Variants in BABAM2 observed in about 807,000 individuals in gnomAD.
BABAM2 encodes the protein BRISC and BRCA1 A complex member 2.
BABAM2 carries 31 observed loss-of-function variants against 54.7 expected under a neutral mutation model. That is an observed-to-expected ratio of 0.57 (90% CI 0.43 to 0.77). The LOEUF is 0.77. Ranked by LOEUF, BABAM2 falls within the 30% of genes least tolerant of loss-of-function variation. The probability of loss-of-function intolerance (pLI) is 0.00; values close to 1 mark genes in which losing one functional copy is unlikely to be tolerated. For synonymous variants in BABAM2, 167 were observed against 162.9 expected (o/e 1.03, Z -0.19); for missense variants, 364 against 455.8 (o/e 0.80, Z 1.83).
At chr2:28,010,906 T>C (rs1204398809) in intron 4 of BABAM2, among the ~76,000 whole-genome samples, 1 of 152,198 alleles carries the variant, frequency 6.6e-6, no homozygotes, top group Non-Finnish European at 1.5e-5. Context: ...TCTCCTTTCA[T>C]AGGAAGAAAG....
chr2:28,169,497 C>T (rs902675217), intron 7 of BABAM2, among the ~76,000 whole-genome samples: 1 of 152,042 alleles, frequency 6.6e-6, no homozygotes, highest in South Asian at 2.1e-4. Context: ...AATATCCAGG[C>T]CAGGTGGGGT....
intron 7 of BABAM2, among the ~76,000 whole-genome samples, chr2:28,178,534 C>G (rs984456125): frequency 6.6e-6 from 1 of 151,950 alleles, no homozygotes; most frequent in African/African-American, 2.4e-5. Context: ...GCAATAAATG[C>G]TTACGTCAAA....
At chr2:28,274,131 G>A (rs1436952336) in intron 10 of BABAM2, among the ~76,000 whole-genome samples, 2 of 152,056 alleles carry the variant, frequency 1.3e-5, no homozygotes, top group African/African-American at 2.4e-5. Context: ...TTTATCTGGC[G>A]GCCTTCCCCA....
chr2:28,095,868 A>G (rs1027089370), intron 6 of BABAM2, among the ~76,000 whole-genome samples: 11 of 152,204 alleles, frequency 7.2e-5, no homozygotes, highest in Admixed American at 6.5e-4. Flanking sequence ...ATGGAAGGTG[A>G]TCAGGCTTGT....
At chr2:28,244,908 G>GTA in intron 10 of BABAM2, 46 bp downstream of exon 10, 1 of 1,535,140 alleles carries the variant, frequency 6.5e-7, no homozygotes, top group Non-Finnish European at 9.0e-7. Context: ...ATTTTTAAAT[G>GTA]TCCTAAACCA....
intron 7 of BABAM2, among the ~76,000 whole-genome samples, chr2:28,229,500 A>C (rs1681180677): frequency 1.3e-5 from 2 of 152,150 alleles, no homozygotes; most frequent in South Asian, 4.1e-4. Context: ...ATTCCTCTTA[A>C]TGCCTTTTAA....
intron 7 of BABAM2, among the ~76,000 whole-genome samples, chr2:28,166,624 C>T (rs758655150): frequency 3.3e-5 from 5 of 152,138 alleles, no homozygotes; most frequent in African/African-American, 7.2e-5. Flanking sequence ...TTACCCCTGA[C>T]GTCCTCCCTT....
At chr2:27,982,576 A>G (rs938930732) in intron 3 of BABAM2, among the ~76,000 whole-genome samples, 1 of 152,050 alleles carries the variant, frequency 6.6e-6, no homozygotes, top group African/African-American at 2.4e-5. Context: ...CAGTTGTCCC[A>G]TCACCATTTG....
chr2:28,263,227 A>G (rs1251149667), intron 10 of BABAM2, among the ~76,000 whole-genome samples: 3 of 152,024 alleles, frequency 2.0e-5, no homozygotes, highest in Non-Finnish European at 4.4e-5. Flanking sequence ...TGCATAAATA[A>G]TATAATTTAT....
intron 7 of BABAM2, among the ~76,000 whole-genome samples, chr2:28,205,501 CAAAAAT>C (rs1426029787): frequency 6.6e-6 from 1 of 151,838 alleles, no homozygotes; most frequent in East Asian, 1.9e-4. Flanking sequence ...GACTCCGTCT[CAAAAAT>C]AAAAATAAAA....
chr2:27,942,974 C>T (rs977890381), intron 3 of BABAM2, among the ~76,000 whole-genome samples: 25 of 151,692 alleles, frequency 1.6e-4, no homozygotes, highest in African/African-American at 4.8e-4. Context: ...TTTGTAGAGA[C>T]GGGGTTTTGG....
At chr2:28,121,980 C>A (rs984852659) in intron 6 of BABAM2, among the ~76,000 whole-genome samples, 2 of 151,980 alleles carry the variant, frequency 1.3e-5, no homozygotes, top group African/African-American at 2.4e-5. Context: ...TTTGGGAGGC[C>A]GAGGTGGGTG....
intron 7 of BABAM2, among the ~76,000 whole-genome samples, chr2:28,230,535 T>C (rs1681279077): frequency 6.9e-6 from 1 of 145,132 alleles, no homozygotes; most frequent in South Asian, 2.2e-4. Flanking sequence ...GACAACATGG[T>C]GAAACTCCTT....
intron 4 of BABAM2, 138 bp from the exon 5 acceptor site, chr2:28,025,088 G>T (rs1176806406): frequency 2.9e-6 from 2 of 678,832 alleles, no homozygotes; most frequent in African/African-American, 1.8e-5. Context: ...TCATCTCTGG[G>T]TATATGGCTA....
chr2:28,093,063 A>C (rs1666297704), intron 6 of BABAM2, among the ~76,000 whole-genome samples: 1 of 152,132 alleles, frequency 6.6e-6, no homozygotes, highest in Non-Finnish European at 1.5e-5. Context: ...CTATTACATT[A>C]GTCTCATTGA....
At chr2:28,196,321 C>CGTCTCA (rs1360883175) in intron 7 of BABAM2, among the ~76,000 whole-genome samples, 1 of 107,548 alleles carries the variant, frequency 9.3e-6, no homozygotes, top group Admixed American at 9.8e-5. Context: ...AGCAAGACTC[C>CGTCTCA]ATATAAAAAA....
chr2:28,151,639 A>G (rs1367122609), intron 7 of BABAM2, among the ~76,000 whole-genome samples: 1 of 150,836 alleles, frequency 6.6e-6, no homozygotes, highest in African/African-American at 2.4e-5. Flanking sequence ...AAGTTTTTCT[A>G]CAGTAATTCT....
At chr2:28,222,713 T>A (rs1438459140) in intron 7 of BABAM2, among the ~76,000 whole-genome samples, 1 of 152,248 alleles carries the variant, frequency 6.6e-6, no homozygotes, top group African/African-American at 2.4e-5. Flanking sequence ...CAATTATATT[T>A]GGCCAATTAA....
At chr2:28,013,831 T>C (rs1034936098) in intron 4 of BABAM2, among the ~76,000 whole-genome samples, 1 of 150,798 alleles carries the variant, frequency 6.6e-6, no homozygotes, top group Non-Finnish European at 1.5e-5. Context: ...AGAACCACAA[T>C]CAGAAGCTTC....
Sources: gnomAD v4.1 joint callset for allele counts (sites outside exome capture counted in the v4.1 genomes callset) on GRCh38, gnomAD v4.1.1 for gene constraint, MANE v1.5 for transcripts, NCBI Gene and HGNC (gene_info 2026-07-23, HGNC 2026-07-21) for gene names.